DIP2B: variants seen among roughly 807,000 people sequenced by gnomAD.
DIP2B encodes DIP2 acetate--CoA ligase B (putative).
A neutral mutation model predicts 198.0 loss-of-function variants in DIP2B; 76 were observed. That is an observed-to-expected ratio of 0.38 (90% CI 0.32 to 0.46). DIP2B has a LOEUF of 0.46. Ranked by LOEUF, DIP2B falls within the 20% of genes least tolerant of loss-of-function variation. The pLI, the probability that DIP2B is intolerant of heterozygous loss-of-function variation, is 0.99. For missense variants in DIP2B, 1,559 were observed against 1,978.4 expected, an observed-to-expected ratio of 0.79 and a Z score of 4.02; for synonymous variants, 701 against 739.1, an observed-to-expected ratio of 0.95 and a Z score of 0.84.
intron 1 of DIP2B, among the ~76,000 whole-genome samples, chr12:50,576,003 C>A (rs1958656799): frequency 6.6e-6 from 1 of 151,954 alleles, no homozygotes; most frequent in Non-Finnish European, 1.5e-5. Flanking sequence ...GATGATCTGC[C>A]TGGCTTGGCC....
chr12:50,603,242 A>G (rs1958953970), intron 1 of DIP2B, among the ~76,000 whole-genome samples: 2 of 152,138 alleles, frequency 1.3e-5, no homozygotes, highest in South Asian at 4.1e-4. Context: ...GGTGACAGTT[A>G]AAAGTAGGCA....
intron 23 of DIP2B, among the ~76,000 whole-genome samples, chr12:50,717,706 A>C (rs1592141059): frequency 6.6e-6 from 1 of 151,292 alleles, no homozygotes; most frequent in East Asian, 2.0e-4. Context: ...CTCCCACCTC[A>C]GCCTCCCAAG....
intron 30 of DIP2B, 106 bp downstream of exon 30, chr12:50,728,784 A>G: frequency 7.0e-7 from 1 of 1,435,738 alleles, no homozygotes; most frequent in Non-Finnish European, 9.3e-7. Flanking sequence ...GTTTCAGTAA[A>G]ATGCTAGTGT....
intron 1 of DIP2B, among the ~76,000 whole-genome samples, chr12:50,544,618 CTTTTTCT>C (rs1185367293): frequency 9.6e-6 from 1 of 104,258 alleles, no homozygotes; most frequent in Non-Finnish European, 2.1e-5. Flanking sequence ...AGATAACTTT[CTTTTTCT>C]TTTTTTTTTT....
rs192313407 is a variant in DIP2B, at chr12:50,583,746, T to C, written c.101-42230T>C. On this transcript the variant is annotated intron_variant, in intron 1 of 37. Coordinates refer to ENST00000301180, the MANE Select transcript of DIP2B (RefSeq NM_173602.3). ...AAGAGCATCTGTGCAGATAACACTC[T>C]GGTGTACCCCCATCTTGAGAAATAA... is the stretch of plus-strand genomic sequence containing the variant. Among the ~76,000 whole-genome samples the C allele has an allele frequency of 2.6e-5, 4 of 152,322 alleles. No individual in the cohort carries two copies. In the East Asian group the frequency reaches 5.8e-4, roughly 22 times the overall value.
intron 1 of DIP2B, among the ~76,000 whole-genome samples, chr12:50,570,472 A>G (rs1052377180): frequency 2.6e-4 from 40 of 152,200 alleles, no homozygotes; most frequent in African/African-American, 9.6e-4. Context: ...GCACTTTGGG[A>G]GGCTGAGGCA....
chr12:50,668,777 G>T (rs1211760916), intron 4 of DIP2B, among the ~76,000 whole-genome samples: 1 of 151,946 alleles, frequency 6.6e-6, no homozygotes, highest in Non-Finnish European at 1.5e-5. Flanking sequence ...CTATCCTAGG[G>T]GCCCTATCCC....
chr12:50,732,334 T>C, intron 31 of DIP2B, 32 bp from the exon 32 acceptor site: 1 of 1,612,122 alleles, frequency 6.2e-7, no homozygotes, highest in Non-Finnish European at 8.5e-7. Context: ...ATGATCCTAC[T>C]GACTTGGCTC....
At chr12:50,575,295 G>A (rs1178853893) in intron 1 of DIP2B, among the ~76,000 whole-genome samples, 1 of 151,882 alleles carries the variant, frequency 6.6e-6, no homozygotes, top group Non-Finnish European at 1.5e-5. Flanking sequence ...AGAAACCCTT[G>A]CCTTTTATTT....
At chr12:50,558,514 G>A (rs1009086737) in intron 1 of DIP2B, among the ~76,000 whole-genome samples, 1 of 152,142 alleles carries the variant, frequency 6.6e-6, no homozygotes, top group Non-Finnish European at 1.5e-5. Flanking sequence ...AGGCCACACT[G>A]TTTGCAGCAC....
intron 1 of DIP2B, among the ~76,000 whole-genome samples, chr12:50,564,839 A>G (rs1958549527): frequency 6.6e-6 from 1 of 152,172 alleles, no homozygotes; most frequent in Admixed American, 6.5e-5. Context: ...GTCTTCTGGA[A>G]ATATGAAGAT....
At chr12:50,526,805 T>G (rs1384322329) in intron 1 of DIP2B, among the ~76,000 whole-genome samples, 1 of 152,050 alleles carries the variant, frequency 6.6e-6, no homozygotes, top group Admixed American at 6.6e-5. Flanking sequence ...TTGGCTACTT[T>G]TTGTATTTTT....
chr12:50,731,623 C>G, intron 31 of DIP2B, 86 bp downstream of exon 31: 1 of 1,445,300 alleles, frequency 6.9e-7, no homozygotes, highest in South Asian at 1.5e-5. Flanking sequence ...CAGGGGCTAA[C>G]AGACATGTTT....
In DIP2B at chr12:50,680,783, T is replaced by C. The variant is rs1349659986; in HGVS notation, c.1206+20T>C. On this transcript the variant is annotated intron_variant, in intron 9 of 37. Transcript: ENST00000301180. ...GACAGGGTAATTGGTGTGATTTTGG[T>C]TTTAGGGAGGTGGTGTTTATTGTTT... is the stretch of plus-strand genomic sequence containing the variant. 1 of 1,605,704 alleles carries C rather than the reference T, an allele frequency of 6.2e-7. No homozygotes were observed. The highest frequency in any genetic ancestry group is 1.3e-5 in the African/African-American group (1 of 74,620).
At chr12:50,667,980 A>G (rs1023737411) in intron 4 of DIP2B, among the ~76,000 whole-genome samples, 4 of 152,298 alleles carry the variant, frequency 2.6e-5, no homozygotes, top group African/African-American at 9.6e-5. Context: ...TTGGTGGCCC[A>G]ATGCTACCTA....
At chr12:50,740,583 A>G (rs1302324281) in intron 36 of DIP2B, among the ~76,000 whole-genome samples, 1 of 152,182 alleles carries the variant, frequency 6.6e-6, no homozygotes, top group Admixed American at 6.5e-5. Flanking sequence ...TCACCAGGTG[A>G]TGGGAGCCTC....
intron 1 of DIP2B, among the ~76,000 whole-genome samples, chr12:50,547,533 A>T (rs537607877): frequency 6.6e-6 from 1 of 152,326 alleles, no homozygotes; most frequent in African/African-American, 2.4e-5. Context: ...AAAATAGTGA[A>T]ATTATGATTT....
intron 1 of DIP2B, among the ~76,000 whole-genome samples, chr12:50,573,447 G>A (rs1326828263): frequency 6.6e-6 from 1 of 152,202 alleles, no homozygotes; most frequent in Non-Finnish European, 1.5e-5. Context: ...CTACAACTCA[G>A]TGTAGATACA....
chr12:50,618,648 A>G (rs1246804425), intron 1 of DIP2B, among the ~76,000 whole-genome samples: 1 of 152,224 alleles, frequency 6.6e-6, no homozygotes, highest in African/African-American at 2.4e-5. Flanking sequence ...TCCTGATCAC[A>G]GCACTTACTA....
Sources: allele counts gnomAD v4.1 joint callset (sites outside exome capture counted in the v4.1 genomes callset), GRCh38; gene constraint gnomAD v4.1.1; transcripts MANE v1.5; gene names NCBI Gene and HGNC (gene_info 2026-07-23, HGNC 2026-07-21).